MACROD2: variants seen among roughly 807,000 people sequenced by gnomAD.
MACROD2 encodes ADP-ribose glycohydrolase MACROD2.
A neutral mutation model predicts 70.4 loss-of-function variants in MACROD2; 36 were observed. The observed-to-expected ratio is 0.51, with a 90% confidence interval of 0.39 to 0.68. The LOEUF is 0.68. MACROD2 is among the 30% of genes least tolerant of loss of function. The pLI is 0.00. For synonymous variants in MACROD2, 172 were observed against 178.8 expected, an observed-to-expected ratio of 0.96 and a Z score of 0.30; for missense variants, 496 against 538.4, an observed-to-expected ratio of 0.92 and a Z score of 0.78.
intron 5 of MACROD2, among the ~76,000 whole-genome samples, chr20:14,796,177 G>C (rs2072507835): frequency 1.3e-5 from 2 of 152,086 alleles, no homozygotes; most frequent in African/African-American, 4.8e-5. Context: ...GATAATATTT[G>C]ATGTAAGTGG....
chr20:15,752,942 GTGTT>G (rs2146984276), intron 8 of MACROD2, among the ~76,000 whole-genome samples: 1 of 152,164 alleles, frequency 6.6e-6, no homozygotes, highest in South Asian at 2.1e-4. Context: ...GAGAGGGAAT[GTGTT>G]TGTATATGTG....
At chr20:15,594,307 G>T (rs2048717421) in intron 8 of MACROD2, among the ~76,000 whole-genome samples, 1 of 151,778 alleles carries the variant, frequency 6.6e-6, no homozygotes, top group South Asian at 2.1e-4. Flanking sequence ...TGAGCCCATT[G>T]CTGCTCTGTG....
chr20:15,490,940 C>T (rs1056761314), intron 7 of MACROD2, among the ~76,000 whole-genome samples: 3 of 152,222 alleles, frequency 2.0e-5, no homozygotes, highest in Non-Finnish European at 4.4e-5. Context: ...TCCCTCAATA[C>T]AGTAAAGTCC....
chr20:15,267,344 T>C (rs1043949676), intron 6 of MACROD2, among the ~76,000 whole-genome samples: 2 of 152,140 alleles, frequency 1.3e-5, no homozygotes, highest in African/African-American at 2.4e-5. Flanking sequence ...CAGGCCATTA[T>C]AATTTGTTCT....
chr20:14,042,233 C>T (rs555227655), intron 2 of MACROD2, among the ~76,000 whole-genome samples: 4 of 152,196 alleles, frequency 2.6e-5, no homozygotes, highest in Admixed American at 2.0e-4. Context: ...TAAGTTGATT[C>T]CACAGCTGCT....
At chr20:15,438,607 G>C (rs1007486030) in intron 7 of MACROD2, among the ~76,000 whole-genome samples, 1 of 134,832 alleles carries the variant, frequency 7.4e-6, no homozygotes, top group Non-Finnish European at 1.6e-5. Flanking sequence ...CCAACCCTTG[G>C]TGGTCATTAT....
At chr20:15,274,548 C>A (rs1221327082) in intron 6 of MACROD2, among the ~76,000 whole-genome samples, 1 of 152,224 alleles carries the variant, frequency 6.6e-6, no homozygotes, top group African/African-American at 2.4e-5. Flanking sequence ...CGACAGTAGA[C>A]TAACGTCCTC....
chr20:14,612,534 G>A (rs1184068041), intron 4 of MACROD2, among the ~76,000 whole-genome samples: 1 of 151,856 alleles, frequency 6.6e-6, no homozygotes, highest in Admixed American at 6.6e-5. Flanking sequence ...GGGGTGTGTG[G>A]GATACATACA....
Position 14,047,259 on chromosome 20 carries a change from G to T in MACROD2, c.164-38362G>T, listed in dbSNP as rs1042079846. ...CAGGAGTTCGAGACCAGTCTGACCA[G>T]CATGGTGAAACTCCGTCTCTACTAA... On this transcript the variant is annotated intron_variant, in intron 2 of 17. Coordinates refer to ENST00000684519, the MANE Select transcript of MACROD2 (RefSeq NM_001351661.2). Among the ~76,000 whole-genome samples the T allele has an allele frequency of 2.6e-5, 4 of 152,112 alleles. No individual in the cohort carries two copies. The South Asian group carries it at 8.3e-4, about 32-fold the overall frequency.
At chr20:14,862,536 A>T (rs868662102) in intron 5 of MACROD2, among the ~76,000 whole-genome samples, 1 of 16,964 alleles carries the variant, frequency 5.9e-5, no homozygotes, top group Admixed American at 1.4e-3. Flanking sequence ...AATATATATA[A>T]ATATATAAAA....
chr20:14,686,421 A>G (rs1474873673), intron 5 of MACROD2, among the ~76,000 whole-genome samples: 1 of 152,198 alleles, frequency 6.6e-6, no homozygotes, highest in African/African-American at 2.4e-5. Flanking sequence ...GGCCTGTCAC[A>G]TGAGATAAAG....
chr20:15,638,803 G>A (rs191125373), intron 8 of MACROD2, among the ~76,000 whole-genome samples: 44 of 152,268 alleles, frequency 2.9e-4, no homozygotes, highest in South Asian at 1.9e-3. Context: ...AACTTTTCAC[G>A]GTTCAAGAGT....
At chr20:14,520,792 T>G (rs941905108) in intron 4 of MACROD2, among the ~76,000 whole-genome samples, 1 of 152,186 alleles carries the variant, frequency 6.6e-6, no homozygotes, top group East Asian at 1.9e-4. Flanking sequence ...GCTTTTACTT[T>G]GTTTTTTTCT....
chr20:14,153,413 A>G (rs1406535896), intron 3 of MACROD2, among the ~76,000 whole-genome samples: 1 of 152,238 alleles, frequency 6.6e-6, no homozygotes, highest in Non-Finnish European at 1.5e-5. Flanking sequence ...TCCATCTGGG[A>G]ACACTGAGAG....
intron 9 of MACROD2, among the ~76,000 whole-genome samples, chr20:15,876,111 A>ATATGTG (rs1555789655): frequency 5.8e-5 from 8 of 138,848 alleles, no homozygotes; most frequent in African/African-American, 2.3e-4. Flanking sequence ...ATATATATAT[A>ATATGTG]TGTGTGTATT....
intron 8 of MACROD2, among the ~76,000 whole-genome samples, chr20:15,769,233 C>T (rs1253577026): frequency 4.6e-5 from 7 of 152,264 alleles, no homozygotes; most frequent in East Asian, 1.9e-4. Flanking sequence ...CTGCAACTTC[C>T]GCCTCCCGGG....
Position 15,800,584 on chromosome 20 carries a change from T to G in MACROD2, c.646-62161T>G, listed in dbSNP as rs563658496. On this transcript the variant is annotated intron_variant, in intron 8 of 17. Coordinates refer to ENST00000684519, the MANE Select transcript of MACROD2 (RefSeq NM_001351661.2). ...CTTAATGCCTTTGTTGAAAATCAGT[T>G]GGCTGAGCCACCCCGTCCGGGAGGT... 2.4e-4 allele frequency among the ~76,000 whole-genome samples: 36 copies of G among 152,320 alleles called. 2 individuals are homozygous for G. The South Asian group carries it at 7.2e-3, about 31-fold the overall frequency.
intron 12 of MACROD2, among the ~76,000 whole-genome samples, chr20:15,951,600 C>T (rs538783615): frequency 3.3e-5 from 5 of 152,022 alleles, no homozygotes; most frequent in African/African-American, 9.7e-5. Context: ...TGATTATTTT[C>T]CTCAGGCACA....
intron 8 of MACROD2, among the ~76,000 whole-genome samples, chr20:15,778,894 A>C (rs1416023212): frequency 6.6e-6 from 1 of 152,146 alleles, no homozygotes; most frequent in Non-Finnish European, 1.5e-5. Context: ...GTCTTGATAA[A>C]GGATCTAGGT....
Sources: allele counts gnomAD v4.1 joint callset (sites outside exome capture counted in the v4.1 genomes callset), GRCh38; gene constraint gnomAD v4.1.1; transcripts MANE v1.5; gene names NCBI Gene and HGNC (gene_info 2026-07-23, HGNC 2026-07-21).